The following HMCN1 variants were observed in gnomAD, a reference collection of about 807,000 sequenced individuals.
The protein encoded by HMCN1 is hemicentin 1, also known as hemicentin-1.
HMCN1 carries 321 observed loss-of-function variants against 625.9 expected under a neutral mutation model. The observed-to-expected ratio is 0.51, with a 90% CI of 0.47 to 0.56. The LOEUF (loss-of-function observed/expected upper bound fraction) is 0.56, where lower values mean the gene tolerates loss of function less well. Ranked by LOEUF, HMCN1 falls within the 20% of genes least tolerant of loss-of-function variation. The probability of loss-of-function intolerance (pLI) is 0.00; values close to 1 mark genes in which losing one functional copy is unlikely to be tolerated. For synonymous variants in HMCN1, 2,425 were observed against 2,417.6 expected (o/e 1.00, Z -0.09); for missense variants, 6,588 against 6,887.3 (o/e 0.96, Z 1.54).
Position 186,038,970 on chromosome 1 carries a change from G to C in HMCN1, c.5993G>C (p.Gly1998Ala). 6.2e-7 allele frequency: 1 copy of C among 1,612,930 alleles called. No homozygotes were observed. ...IYKCVAINSA[G>A]ATELFYSLQV... is the part of the protein sequence containing the mutation. Reference sequence around the variant, plus strand: ...AAATGCGTGGCCATCAACTCAGCTGGAGCTACAGAGTTATTTTACAGTCTG... The same window carrying C: ...AAATGCGTGGCCATCAACTCAGCTGCAGCTACAGAGTTATTTTACAGTCTG... The change falls in exon 38 of 107, where the codon GGA becomes GCA. Residue 1998 changes from glycine (G) to alanine (A), a missense_variant. By Grantham distance (60) the Gly-to-Ala change is moderately conservative. This residue lies in a region of HMCN1 where 4,628 missense variants were observed against 4,853.1 expected (regional missense o/e 0.95). Transcript: ENST00000271588.
chr1:185,753,836 G>T (rs1280154508), intron 1 of HMCN1, among the ~76,000 whole-genome samples: 1 of 152,142 alleles, frequency 6.6e-6, no homozygotes, highest in Non-Finnish European at 1.5e-5. Context: ...ATGTAAATTA[G>T]TATAACCATT....
At chr1:186,170,904 G>T (rs932569456) in intron 100 of HMCN1, among the ~76,000 whole-genome samples, 1 of 152,154 alleles carries the variant, frequency 6.6e-6, no homozygotes, top group African/African-American at 2.4e-5. Context: ...TCAGGCACAG[G>T]GTGATAAAGA....
intron 105 of HMCN1, among the ~76,000 whole-genome samples, chr1:186,184,392 A>G (rs1480175475): frequency 6.6e-6 from 1 of 152,224 alleles, no homozygotes; most frequent in African/African-American, 2.4e-5. Context: ...CAATAATAAA[A>G]GGGAAATTAA....
intron 71 of HMCN1, among the ~76,000 whole-genome samples, chr1:186,110,102 T>C (rs1455900682): frequency 6.6e-6 from 1 of 152,180 alleles, no homozygotes; most frequent in Non-Finnish European, 1.5e-5. Flanking sequence ...ACCTGTATTT[T>C]CCAAGAAGAG....
rs1479303024 is a variant in HMCN1, at chr1:186,135,113, A to G, written c.13313-1555A>G. ...AATCCAGTTCAACTCTCTTTTTCCC[A>G]ATGAAGTCTGTCATATTCTGTCATC... On this transcript the variant is annotated intron_variant, in intron 86 of 106. Transcript: ENST00000271588. Among the ~76,000 whole-genome samples, 4 of 152,162 alleles carry G rather than the reference A, an allele frequency of 2.6e-5. No individual in the cohort carries two copies. The East Asian group carries it at 7.7e-4, about 29-fold the overall frequency.
Position 185,932,308 on chromosome 1 carries a change from A to T in HMCN1, c.1553-1241A>T, listed in dbSNP as rs1353261326. Among the ~76,000 whole-genome samples, 3 of 152,192 alleles carry T rather than the reference A, an allele frequency of 2.0e-5. No homozygotes were observed. In the East Asian group the frequency reaches 5.8e-4, roughly 29 times the overall value. On this transcript the variant is annotated intron_variant, in intron 10 of 106. Transcript: ENST00000271588. ...ACAAAATATGGAAAACACATATATCACTCAGAGATAACCACTGTGGTTTTG... is the reference window on the plus strand; with the variant it reads ...ACAAAATATGGAAAACACATATATCTCTCAGAGATAACCACTGTGGTTTTG...
intron 4 of HMCN1, among the ~76,000 whole-genome samples, chr1:185,901,614 A>G (rs1282701187): frequency 6.6e-6 from 1 of 151,804 alleles, no homozygotes; most frequent in Non-Finnish European, 1.5e-5. Context: ...GTGCTGTTTA[A>G]ATGGTAGCCA....
At chr1:186,086,530 G>A (rs1659482078) in intron 58 of HMCN1, 123 bp downstream of exon 58, 1 of 948,768 alleles carries the variant, frequency 1.1e-6, no homozygotes, top group East Asian at 2.6e-5. Context: ...CACAGTAAAT[G>A]CCTCTCTTTG....
chr1:185,746,992 C>T (rs1465560363), intron 1 of HMCN1, among the ~76,000 whole-genome samples: 1 of 152,118 alleles, frequency 6.6e-6, no homozygotes, highest in Non-Finnish European at 1.5e-5. Flanking sequence ...ATTATATCTG[C>T]AATGACTATT....
rs1652981609 is a variant in HMCN1 at position 186,182,264 on chromosome 1, C to A, written c.16391C>A (p.Thr5464Lys). ...ATCTGCCCACCTGGCTATCAACTCA[C>A]ACACAATGGAAAGACATGCCAAGGT... ...QCICPPGYQL[T>K]HNGKTCQDID... Residue 5464 changes from threonine (T) to lysine (K), a missense_variant, in exon 105 of 107, where the codon ACA becomes AAA. Physicochemically the swap from Thr to Lys is moderately conservative, Grantham distance 78. This residue lies in a region of HMCN1 where 1,954 missense variants were observed against 2,013.1 expected (regional missense o/e 0.97). Transcript: ENST00000271588. 1.2e-6 allele frequency: 2 copies of A among 1,613,368 alleles called. No homozygotes were observed. Among genetic ancestry groups the A allele is most frequent in the African/African-American group, 2.7e-5 (2 of 74,880 alleles).
chr1:185,779,271 A>G (rs924480303), intron 1 of HMCN1, among the ~76,000 whole-genome samples: 11 of 152,142 alleles, frequency 7.2e-5, no homozygotes, highest in African/African-American at 2.2e-4. Context: ...AGTAGATTGC[A>G]AAAATTTTCT....
chr1:185,967,687 G>A (rs1265110675), intron 14 of HMCN1, among the ~76,000 whole-genome samples: 2 of 151,916 alleles, frequency 1.3e-5, no homozygotes, highest in Admixed American at 6.6e-5. Context: ...AAATGGAGGG[G>A]GTTAGGAGCA....
chr1:185,752,790 C>A (rs567469350), intron 1 of HMCN1, among the ~76,000 whole-genome samples: 1 of 152,162 alleles, frequency 6.6e-6, no homozygotes, highest in African/African-American at 2.4e-5. Flanking sequence ...ATAATTGTAC[C>A]AAACTACTTT....
At chr1:186,115,500 A>G in intron 75 of HMCN1, 86 bp downstream of exon 75, 1 of 1,230,262 alleles carries the variant, frequency 8.1e-7, no homozygotes. Flanking sequence ...GGGTCAGCAA[A>G]TATATAGACT....
rs1658370034 is a variant in HMCN1, at chr1:186,069,758, T to C, written c.7975T>C (p.Tyr2659His). ...TNEAGEMIKH[Y>H]EVKVYIPPII... ...TGAGGCTGGAGAAATGATAAAGCAC[T>C]ATGAAGTGAAGGTGTACAGTAAGTT... Residue 2659 changes from tyrosine to histidine, a missense_variant, in exon 51 of 107, where the codon TAT becomes CAT. This residue lies in a region of HMCN1 where 4,628 missense variants were observed against 4,853.1 expected (regional missense o/e 0.95). Transcript: ENST00000271588. The C allele has an allele frequency of 2.5e-6, 4 of 1,611,346 alleles. No homozygotes were observed. In the East Asian group the frequency reaches 6.7e-5, roughly 27 times the overall value.
rs768644658 is a variant in HMCN1, at chr1:185,734,841, C to T, written c.62C>T (p.Ala21Val). 12 of 1,613,916 alleles carry T rather than the reference C, an allele frequency of 7.4e-6. No individual in the cohort carries two copies. Among genetic ancestry groups the T allele is most frequent in the Non-Finnish European group, 1.0e-5 (12 of 1,179,840 alleles). Residue 21 changes from alanine to valine, a missense_variant, in exon 1 of 107, where the codon GCT becomes GTT. Around this residue, in one of 3 missense-constraint regions of HMCN1, gnomAD observed 4,628 missense variants for 4,853.1 expected, o/e 0.95. Transcript: ENST00000271588. The part of the protein sequence containing the change: ...FLFALLYSSL[A>V]QDASPQSEIR... ...TTTGCTCTTCTTTATTCTTCCCTAG[C>T]TCAAGATGCGAGCCCCCAGTCAGAG...
In HMCN1 at chr1:186,171,321, T is replaced by G. The variant is rs1454660792; in HGVS notation, c.15575-16T>G. ...TTCCTAATAGCATATAATGAAAGTTTTGTTTTATTTAACAGATATTAATGA... is the reference window on the plus strand; with the variant it reads ...TTCCTAATAGCATATAATGAAAGTTGTGTTTTATTTAACAGATATTAATGA... On this transcript the variant is annotated splice_polypyrimidine_tract_variant and intron_variant, in intron 100 of 106. Transcript: ENST00000271588. 1.3e-6 allele frequency: 2 copies of G among 1,575,432 alleles called. No individual in the cohort carries two copies. The highest frequency in any genetic ancestry group is 4.5e-5 in the East Asian group (2 of 44,630).
chr1:185,917,198 G>A (rs1396433666), intron 6 of HMCN1, among the ~76,000 whole-genome samples: 1 of 151,920 alleles, frequency 6.6e-6, no homozygotes, highest in Non-Finnish European at 1.5e-5. Flanking sequence ...TTGTTAGAGG[G>A]GAATTTACTA....
At chr1:185,887,947 C>G (rs1439200944) in intron 4 of HMCN1, among the ~76,000 whole-genome samples, 1 of 142,916 alleles carries the variant, frequency 7.0e-6, no homozygotes, top group Non-Finnish European at 1.5e-5. Context: ...GTTCCTATTT[C>G]TCCACATCCT....
Sources: allele counts gnomAD v4.1 joint callset (sites outside exome capture counted in the v4.1 genomes callset), GRCh38; gene constraint gnomAD v4.1.1; regional missense constraint gnomAD v4.1.1; transcripts MANE v1.5; gene names NCBI Gene and HGNC (gene_info 2026-07-23, HGNC 2026-07-21).